Variants in C1orf105 observed in about 807,000 individuals in gnomAD.
The protein encoded by C1orf105 is chromosome 1 open reading frame 105.
C1orf105 carries 17 observed loss-of-function variants against 20.8 expected under a neutral mutation model. The ratio of observed to expected loss-of-function variants is 0.82; its 90% CI spans 0.56 to 1.23. C1orf105 has a LOEUF of 1.23. Ranked by LOEUF, C1orf105 falls within the 50% of genes most tolerant of loss-of-function variation. The pLI is 0.00. For synonymous variants in C1orf105, 72 were observed against 72.1 expected, an observed-to-expected ratio of 1.00 and a Z score of 0.01; for missense variants, 219 against 213.5, an observed-to-expected ratio of 1.03 and a Z score of -0.16.
At chr1:172,425,875 C>T (rs2071709213) in intron 1 of C1orf105, among the ~76,000 whole-genome samples, 1 of 152,074 alleles carries the variant, frequency 6.6e-6, no homozygotes, top group African/African-American at 2.4e-5. Flanking sequence ...AAAATTCACC[C>T]CTCCCTACCC....
chr1:172,456,377 C>G, intron 3 of C1orf105, 38 bp from the exon 4 acceptor site: 1 of 1,570,978 alleles, frequency 6.4e-7, no homozygotes, highest in Non-Finnish European at 8.7e-7. Context: ...ACATGCCCCA[C>G]CATTTCCTCA....
At chr1:172,441,227 G>A (rs1647258102) in intron 1 of C1orf105, among the ~76,000 whole-genome samples, 1 of 152,168 alleles carries the variant, frequency 6.6e-6, no homozygotes, top group African/African-American at 2.4e-5. Flanking sequence ...TCTGAGTCAA[G>A]GTTAAGTAAC....
At chr1:172,422,157 T>A (rs548693069) in intron 1 of C1orf105, among the ~76,000 whole-genome samples, 5 of 152,140 alleles carry the variant, frequency 3.3e-5, no homozygotes, top group African/African-American at 1.2e-4. Context: ...CCAGGATGGC[T>A]AAGTAAGTGC....
At chr1:172,445,270 C>G in intron 2 of C1orf105, 112 bp downstream of exon 2, 1 of 851,032 alleles carries the variant, frequency 1.2e-6, no homozygotes, top group Non-Finnish European at 1.8e-6. Flanking sequence ...CATTGAGAAA[C>G]TCAAGTCAAG....
rs573988220 is a variant in C1orf105, at chr1:172,423,146, C to G, written c.21+2240C>G. Reference sequence around the variant, plus strand: ...AGCCTTGAGCGAACATAGATGGTAGCCACGTAATAGTTACAGTGGGCCTTG... The same window carrying G: ...AGCCTTGAGCGAACATAGATGGTAGGCACGTAATAGTTACAGTGGGCCTTG... On this transcript the variant is annotated intron_variant, in intron 1 of 6. Coordinates refer to ENST00000367727, the MANE Select transcript of C1orf105 (RefSeq NM_139240.4). Among the ~76,000 whole-genome samples the G allele has an allele frequency of 2.0e-5, 3 of 152,306 alleles. No homozygotes were observed. The South Asian group carries it at 6.2e-4, about 32-fold the overall frequency.
intron 4 of C1orf105, among the ~76,000 whole-genome samples, chr1:172,456,820 C>A (rs1275672220): frequency 1.3e-5 from 2 of 152,112 alleles, no homozygotes; most frequent in African/African-American, 4.8e-5. Flanking sequence ...AATGTAGCCC[C>A]CACACAACAC....
chr1:172,447,030 G>A (rs1190221319), intron 2 of C1orf105, among the ~76,000 whole-genome samples: 1 of 152,200 alleles, frequency 6.6e-6, no homozygotes, highest in Non-Finnish European at 1.5e-5. Context: ...GAGCTCTCAG[G>A]AGGACAAGAC....
chr1:172,459,383 G>C (rs1193145833), intron 4 of C1orf105, among the ~76,000 whole-genome samples: 1 of 151,962 alleles, frequency 6.6e-6, no homozygotes, highest in African/African-American at 2.4e-5. Flanking sequence ...TGAGCAAAAA[G>C]TTTCAATAGA....
intron 1 of C1orf105, among the ~76,000 whole-genome samples, chr1:172,428,608 C>G (rs950822493): frequency 4.6e-5 from 7 of 152,194 alleles, no homozygotes; most frequent in Admixed American, 2.0e-4. Context: ...TCCCTCACTT[C>G]CTTCAAGTCT....
intron 1 of C1orf105, among the ~76,000 whole-genome samples, chr1:172,431,968 C>T (rs763885631): frequency 6.6e-6 from 1 of 152,230 alleles, no homozygotes; most frequent in African/African-American, 2.4e-5. Flanking sequence ...GGTCCCATGC[C>T]CATGGGGCCT....
chr1:172,421,032 C>T, intron 1 of C1orf105, 126 bp downstream of exon 1: 1 of 844,518 alleles, frequency 1.2e-6, no homozygotes, highest in Non-Finnish European at 1.8e-6. Flanking sequence ...AAGTTGAAAG[C>T]CAAAAGAAGG....
chr1:172,434,609 T>C (rs2071977310), intron 1 of C1orf105, among the ~76,000 whole-genome samples: 1 of 152,196 alleles, frequency 6.6e-6, no homozygotes, highest in South Asian at 2.1e-4. Flanking sequence ...AAGCAGTGTG[T>C]AGAGGGAAAT....
intron 5 of C1orf105, among the ~76,000 whole-genome samples, chr1:172,464,826 G>T (rs1034900028): frequency 6.6e-6 from 1 of 152,152 alleles, no homozygotes; most frequent in Non-Finnish European, 1.5e-5. Context: ...ATCTTACATT[G>T]CTAGAAAGTG....
intron 1 of C1orf105, chr1:172,443,906 CCTCA>C (rs1647644718): frequency 4.2e-6 from 4 of 962,186 alleles, no homozygotes; most frequent in African/African-American, 1.8e-5. Context: ...CGCCGCCGCC[CCTCA>C]CTCAGCCTTG....
At chr1:172,456,096 A>G (rs1371955977) in intron 3 of C1orf105, among the ~76,000 whole-genome samples, 1 of 152,120 alleles carries the variant, frequency 6.6e-6, no homozygotes, top group Non-Finnish European at 1.5e-5. Context: ...TCAGGCTGGA[A>G]AGTAGAGACC....
At chr1:172,459,750 G>A (rs2149189601) in intron 4 of C1orf105, among the ~76,000 whole-genome samples, 1 of 152,150 alleles carries the variant, frequency 6.6e-6, no homozygotes, top group Middle Eastern at 3.4e-3. Context: ...AATTCTACAA[G>A]AATGCACATA....
intron 4 of C1orf105, among the ~76,000 whole-genome samples, chr1:172,459,028 T>G (rs955460091): frequency 2.6e-5 from 4 of 152,052 alleles, no homozygotes; most frequent in African/African-American, 9.7e-5. Context: ...CCTCACACCA[T>G]GTACAAAAAT....
intron 1 of C1orf105, among the ~76,000 whole-genome samples, chr1:172,437,430 T>C (rs577876754): frequency 5.1e-4 from 78 of 152,036 alleles, no homozygotes; most frequent in African/African-American, 1.7e-3. Flanking sequence ...TTCATGTCCT[T>C]TGCAGGGACA....
At chr1:172,459,395 A>C (rs1322235806) in intron 4 of C1orf105, among the ~76,000 whole-genome samples, 1 of 152,140 alleles carries the variant, frequency 6.6e-6, no homozygotes, top group Admixed American at 6.5e-5. Flanking sequence ...TTCAATAGAC[A>C]TTCTCTAAAG....
Sources: allele counts gnomAD v4.1 joint callset (sites outside exome capture counted in the v4.1 genomes callset), GRCh38; gene constraint gnomAD v4.1.1; transcripts MANE v1.5; gene names NCBI Gene and HGNC (gene_info 2026-07-23, HGNC 2026-07-21).